The following CRPPA variants were observed in gnomAD, a reference collection of about 807,000 sequenced individuals.
The protein encoded by CRPPA is CDP-L-ribitol pyrophosphorylase A, also known as D-ribitol-5-phosphate cytidylyltransferase.
A neutral mutation model predicts 52.0 loss-of-function variants in CRPPA; 43 were observed. That is an observed-to-expected ratio of 0.83 (90% CI 0.65 to 1.07). The LOEUF is 1.07. Among genes scored for constraint, CRPPA ranks in the 50% least tolerant of loss-of-function variants. The probability of loss-of-function intolerance (pLI) is 0.00; values close to 1 mark genes in which losing one functional copy is unlikely to be tolerated. For missense variants in CRPPA, 629 were observed against 551.7 expected (o/e 1.14, Z -1.40); for synonymous variants, 250 against 203.5 (o/e 1.23, Z -1.94).
At chr7:16,249,820 TCTC>T (rs1376338202) in intron 8 of CRPPA, among the ~76,000 whole-genome samples, 10 of 152,086 alleles carry the variant, frequency 6.6e-5, no homozygotes. Context: ...GAATGCCTCT[TCTC>T]CTTCAAAGGA....
chr7:16,415,534 G>T (rs1048942059), intron 1 of CRPPA, among the ~76,000 whole-genome samples: 2 of 152,080 alleles, frequency 1.3e-5, no homozygotes, highest in African/African-American at 4.8e-5. Flanking sequence ...CCTTTTCATT[G>T]TTCTACCCCA....
At chr7:16,245,075 C>G (rs1347589261) in intron 8 of CRPPA, among the ~76,000 whole-genome samples, 1 of 151,598 alleles carries the variant, frequency 6.6e-6, no homozygotes, top group East Asian at 1.9e-4. Flanking sequence ...TGTGGTAGGG[C>G]CTCTTTCTTG....
intron 9 of CRPPA, among the ~76,000 whole-genome samples, chr7:16,165,823 G>A (rs1781052784): frequency 6.6e-6 from 1 of 152,170 alleles, no homozygotes; most frequent in African/African-American, 2.4e-5. Flanking sequence ...CAACTGGTCA[G>A]ATGCACTTCT....
At chr7:16,224,579 T>G (rs1400333740) in intron 8 of CRPPA, among the ~76,000 whole-genome samples, 1 of 152,162 alleles carries the variant, frequency 6.6e-6, no homozygotes, top group East Asian at 1.9e-4. Context: ...TAGAAAGAAT[T>G]GGTAGATAAA....
chr7:16,364,945 TTAACA>T (rs891146057), intron 3 of CRPPA, among the ~76,000 whole-genome samples: 3 of 152,166 alleles, frequency 2.0e-5, no homozygotes, highest in Non-Finnish European at 4.4e-5. Flanking sequence ...TGGAGGAAAC[TTAACA>T]TAAGATTTCA....
intron 6 of CRPPA, among the ~76,000 whole-genome samples, chr7:16,261,480 G>C (rs983951597): frequency 6.6e-6 from 1 of 151,894 alleles, no homozygotes; most frequent in African/African-American, 2.4e-5. Context: ...ATTAACATTA[G>C]ACATTATCTA....
intron 5 of CRPPA, among the ~76,000 whole-genome samples, chr7:16,283,896 T>C (rs6979436): frequency 0.76 from 115,949 of 151,834 alleles, 44,513 homozygotes; most frequent in Admixed American, 0.8. Flanking sequence ...GGATACTTGA[T>C]AGGCATTCAA....
At chr7:16,417,143 C>A (rs967940782) in intron 1 of CRPPA, among the ~76,000 whole-genome samples, 3 of 151,656 alleles carry the variant, frequency 2.0e-5, no homozygotes, top group African/African-American at 7.3e-5. Flanking sequence ...CAAAAAAAAA[C>A]AGATGCTAGC....
intron 5 of CRPPA, among the ~76,000 whole-genome samples, chr7:16,288,393 AT>A (rs1270229738): frequency 6.6e-6 from 1 of 152,098 alleles, no homozygotes; most frequent in African/African-American, 2.4e-5. Context: ...TAAAAAAAAA[AT>A]AAAACAAGCC....
intron 9 of CRPPA, among the ~76,000 whole-genome samples, chr7:16,170,347 T>A (rs1055457061): frequency 6.6e-6 from 1 of 152,216 alleles, no homozygotes; most frequent in African/African-American, 2.4e-5. Flanking sequence ...TTGCAAGAAT[T>A]AAGCCGCAGA....
At chr7:16,306,607 A>T (rs1292811481) in intron 4 of CRPPA, among the ~76,000 whole-genome samples, 1 of 152,220 alleles carries the variant, frequency 6.6e-6, no homozygotes, top group African/African-American at 2.4e-5. Flanking sequence ...GTCAAAAGTG[A>T]GACCAGGGAT....
At chr7:16,211,666 T>C (rs1320870715) in intron 9 of CRPPA, among the ~76,000 whole-genome samples, 1 of 152,200 alleles carries the variant, frequency 6.6e-6, no homozygotes, top group Non-Finnish European at 1.5e-5. Context: ...TTCCTCTATC[T>C]AGTGGACACA....
intron 4 of CRPPA, among the ~76,000 whole-genome samples, chr7:16,306,151 C>T (rs149786997): frequency 6.6e-6 from 1 of 152,284 alleles, no homozygotes; most frequent in East Asian, 1.9e-4. Flanking sequence ...AGGGCCTACC[C>T]TATTCCAGCA....
intron 8 of CRPPA, among the ~76,000 whole-genome samples, chr7:16,258,030 C>T (rs1332650694): frequency 6.6e-6 from 1 of 152,086 alleles, no homozygotes; most frequent in African/African-American, 2.4e-5. Flanking sequence ...CTCACATTAA[C>T]ATCTGGAATG....
intron 8 of CRPPA, among the ~76,000 whole-genome samples, chr7:16,231,074 G>C (rs892332632): frequency 9.2e-5 from 14 of 152,166 alleles, no homozygotes; most frequent in African/African-American, 3.4e-4. Context: ...CTGGTGTTGA[G>C]TATTATTGTG....
chr7:16,255,370 A>T (rs1189488086), intron 8 of CRPPA, among the ~76,000 whole-genome samples: 1 of 152,162 alleles, frequency 6.6e-6, no homozygotes, highest in Non-Finnish European at 1.5e-5. Context: ...TGCTGCCCAA[A>T]GTAATTTATA....
chr7:16,353,997 A>C (rs1186543060), intron 3 of CRPPA, among the ~76,000 whole-genome samples: 1 of 152,026 alleles, frequency 6.6e-6, no homozygotes, highest in East Asian at 1.9e-4. Flanking sequence ...TACAATTATC[A>C]AAAAAATAAC....
intron 1 of CRPPA, among the ~76,000 whole-genome samples, chr7:16,417,133 C>CA (rs200167717): frequency 0.011 from 1,624 of 147,770 alleles, 17 homozygotes; most frequent in African/African-American, 0.037. Context: ...ATGAAAAAGC[C>CA]AAAAAAAAAC....
At chr7:16,376,317 C>T in intron 2 of CRPPA, 76 bp from the exon 3 acceptor site, 2 of 1,413,550 alleles carry the variant, frequency 1.4e-6, no homozygotes, top group East Asian at 4.7e-5. Context: ...CAGTATCTCA[C>T]TTTTGACAGA....
Sources: gnomAD v4.1 joint callset for allele counts (sites outside exome capture counted in the v4.1 genomes callset) on GRCh38, gnomAD v4.1.1 for gene constraint, MANE v1.5 for transcripts, NCBI Gene and HGNC (gene_info 2026-07-23, HGNC 2026-07-21) for gene names.